Variants in TANC2 observed in about 807,000 individuals in gnomAD.
The protein encoded by TANC2 is tetratricopeptide repeat, ankyrin repeat and coiled-coil containing 2.
Under a neutral mutation model 210.5 loss-of-function variants are expected in TANC2, and 26 were observed. The observed-to-expected ratio is 0.12, with a 90% CI of 0.09 to 0.17. TANC2 has a LOEUF of 0.17. Ranked by LOEUF, TANC2 falls within the 10% of genes least tolerant of loss-of-function variation. The pLI is 1.00. For missense variants in TANC2, 2,129 were observed against 2,608.9 expected (o/e 0.82, Z 4.01); for synonymous variants, 931 against 967.1 (o/e 0.96, Z 0.69).
At chr17:62,978,063 C>T (rs1318854806) in intron 1 of TANC2, among the ~76,000 whole-genome samples, 1 of 152,140 alleles carries the variant, frequency 6.6e-6, no homozygotes. Flanking sequence ...TTATAGTACA[C>T]TGTACCATAA....
intron 8 of TANC2, among the ~76,000 whole-genome samples, chr17:63,250,291 T>C (rs2043022656): frequency 6.6e-6 from 1 of 151,736 alleles, no homozygotes; most frequent in African/African-American, 2.4e-5. Context: ...AGTATTTATT[T>C]ATTTATTTAT....
At chr17:63,156,421 A>G (rs1315006473) in intron 5 of TANC2, among the ~76,000 whole-genome samples, 2 of 87,522 alleles carry the variant, frequency 2.3e-5, no homozygotes, top group East Asian at 4.7e-4. Context: ...GTTGAAATGG[A>G]AAAAAAAAAA....
intron 9 of TANC2, among the ~76,000 whole-genome samples, chr17:63,283,075 T>A (rs1440368115): frequency 1.3e-5 from 2 of 152,106 alleles, no homozygotes; most frequent in Non-Finnish European, 2.9e-5. Context: ...TTTTGTAGTT[T>A]TATGTTTTAC....
intron 4 of TANC2, among the ~76,000 whole-genome samples, chr17:63,123,720 G>A (rs1355922402): frequency 6.0e-5 from 7 of 116,168 alleles, no homozygotes; most frequent in African/African-American, 6.9e-5. Flanking sequence ...ATGGAGCCTC[G>A]CTGTCACCCA....
intron 8 of TANC2, among the ~76,000 whole-genome samples, chr17:63,247,458 C>G (rs536854457): frequency 6.7e-6 from 1 of 148,636 alleles, no homozygotes; most frequent in Non-Finnish European, 1.5e-5. Flanking sequence ...TATTTTTTCC[C>G]TCTTGTCCCT....
At chr17:63,023,360 A>ATG (rs2034427295) in intron 2 of TANC2, among the ~76,000 whole-genome samples, 1 of 150,558 alleles carries the variant, frequency 6.6e-6, no homozygotes, top group Non-Finnish European at 1.5e-5. Flanking sequence ...TTGTGTGTGT[A>ATG]TGTGTGTGTG....
chr17:63,331,237 T>G (rs2045829188), intron 11 of TANC2, among the ~76,000 whole-genome samples: 1 of 152,258 alleles, frequency 6.6e-6, no homozygotes. Flanking sequence ...TTATATTATT[T>G]GCAACTTTTT....
intron 2 of TANC2, among the ~76,000 whole-genome samples, chr17:63,039,213 A>C (rs1474564271): frequency 6.6e-6 from 1 of 152,170 alleles, no homozygotes; most frequent in African/African-American, 2.4e-5. Context: ...TTCTTGAAAA[A>C]ATTATCAGTT....
intron 4 of TANC2, among the ~76,000 whole-genome samples, chr17:63,111,667 T>C (rs1296877406): frequency 6.6e-6 from 1 of 152,248 alleles, no homozygotes; most frequent in Non-Finnish European, 1.5e-5. Context: ...AAATTTCTGA[T>C]ATGGCAATAT....
intron 1 of TANC2, among the ~76,000 whole-genome samples, chr17:62,973,682 A>G (rs1024042397): frequency 2.0e-5 from 3 of 152,230 alleles, no homozygotes; most frequent in African/African-American, 4.8e-5. Flanking sequence ...GAGGAAGATG[A>G]GAAGATTCTC....
intron 1 of TANC2, among the ~76,000 whole-genome samples, chr17:62,982,437 A>AT (rs150708159): frequency 0.029 from 4,428 of 152,192 alleles, 79 homozygotes; most frequent in South Asian, 0.037. Flanking sequence ...TCATGTAGAT[A>AT]TTTTTTCAAC....
chr17:63,383,499 T>G (rs1456735263), intron 15 of TANC2, among the ~76,000 whole-genome samples: 1 of 152,210 alleles, frequency 6.6e-6, no homozygotes, highest in African/African-American at 2.4e-5. Flanking sequence ...CACTTAGCAA[T>G]ATGCATTTAA....
intron 7 of TANC2, among the ~76,000 whole-genome samples, chr17:63,203,734 T>C (rs1438107021): frequency 6.6e-6 from 1 of 151,966 alleles, no homozygotes; most frequent in Non-Finnish European, 1.5e-5. Flanking sequence ...CACAAAATCT[T>C]AGAGCACATT....
chr17:63,277,987 C>CGAATTCCTGGGCAACGAAAG (rs2043936885), intron 9 of TANC2, among the ~76,000 whole-genome samples: 2 of 152,006 alleles, frequency 1.3e-5, no homozygotes, highest in Admixed American at 1.3e-4. Context: ...GCCTGGGCAA[C>CGAATTCCTGGGCAACGAAAG]ATAGTGAGAC....
At chr17:63,212,282 CTTAAG>C (rs2041910401) in intron 7 of TANC2, among the ~76,000 whole-genome samples, 1 of 152,146 alleles carries the variant, frequency 6.6e-6, no homozygotes, top group African/African-American at 2.4e-5. Flanking sequence ...ACTTTGTTCT[CTTAAG>C]TTCTCTATGA....
exon 28 of TANC2, chr17:63,423,204 T>A (rs972998643): frequency 6.6e-6 from 1 of 152,216 alleles, no homozygotes; most frequent in Non-Finnish European, 1.5e-5. Context: ...GTGTGATATT[T>A]TAAAGTCAGA....
At chr17:63,211,592 C>T (rs763139403) in intron 7 of TANC2, among the ~76,000 whole-genome samples, 16 of 152,130 alleles carry the variant, frequency 1.1e-4, no homozygotes, top group Non-Finnish European at 2.2e-4. Context: ...CTTCCAACTG[C>T]TATTCAGGAC....
At chr17:63,265,735 T>A (rs1360219289) in intron 8 of TANC2, among the ~76,000 whole-genome samples, 1 of 151,836 alleles carries the variant, frequency 6.6e-6, no homozygotes, top group Non-Finnish European at 1.5e-5. Flanking sequence ...CTTCCAAGCA[T>A]CTCTCCAGGC....
chr17:63,281,446 C>A (rs187605206), intron 9 of TANC2, among the ~76,000 whole-genome samples: 1 of 152,158 alleles, frequency 6.6e-6, no homozygotes, highest in East Asian at 1.9e-4. Context: ...TAGAAGAAAT[C>A]CTAATAAGCT....
Sources: gnomAD v4.1 joint callset for allele counts (sites outside exome capture counted in the v4.1 genomes callset) on GRCh38, gnomAD v4.1.1 for gene constraint, MANE v1.5 for transcripts, NCBI Gene and HGNC (gene_info 2026-07-23, HGNC 2026-07-21) for gene names.